Variants in CDH4 observed in about 807,000 individuals in gnomAD.
CDH4 encodes cadherin-4.
In CDH4, 33 loss-of-function variants were observed where a neutral mutation model predicts 86.0. The observed-to-expected ratio is 0.38, with a 90% CI of 0.29 to 0.51. The LOEUF is 0.51. Ranked by LOEUF, CDH4 falls within the 20% of genes least tolerant of loss-of-function variation. The probability of loss-of-function intolerance (pLI) is 0.86; values close to 1 mark genes in which losing one functional copy is unlikely to be tolerated. For synonymous variants in CDH4, 555 were observed against 549.4 expected (o/e 1.01, Z -0.14); for missense variants, 1,114 against 1,307.4 (o/e 0.85, Z 2.28).
chr20:61,402,784 C>T (rs767339023), intron 2 of CDH4, among the ~76,000 whole-genome samples: 1 of 152,226 alleles, frequency 6.6e-6, no homozygotes, highest in Non-Finnish European at 1.5e-5. Context: ...ATCTACATAG[C>T]ATCTTATCTG....
intron 8 of CDH4, among the ~76,000 whole-genome samples, chr20:61,895,250 A>C (rs928225359): frequency 3.3e-5 from 5 of 152,232 alleles, no homozygotes; most frequent in Admixed American, 1.3e-4. Context: ...GCCGGGGCTC[A>C]GTCAGGGAGG....
intron 2 of CDH4, among the ~76,000 whole-genome samples, chr20:61,659,943 A>G (rs930303077): frequency 1.5e-4 from 23 of 152,100 alleles, no homozygotes; most frequent in Non-Finnish European, 1.5e-5. Context: ...CCCCTCCCCA[A>G]GCCTGTCTCT....
At chr20:61,618,143 G>A (rs567798245) in intron 2 of CDH4, among the ~76,000 whole-genome samples, 8 of 152,272 alleles carry the variant, frequency 5.3e-5, no homozygotes, top group Admixed American at 4.6e-4. Flanking sequence ...CGTGAGAACA[G>A]ACTAATACAG....
At chr20:61,872,186 T>G (rs1175670903) in intron 6 of CDH4, among the ~76,000 whole-genome samples, 1 of 152,190 alleles carries the variant, frequency 6.6e-6, no homozygotes, top group African/African-American at 2.4e-5. Context: ...ACAGGGCATC[T>G]GTGTGCCAGG....
chr20:61,365,966 TTAATG>T, intron 2 of CDH4, among the ~76,000 whole-genome samples: 1 of 152,292 alleles, frequency 6.6e-6, no homozygotes, highest in Admixed American at 6.5e-5. Context: ...GGGAGATAAT[TTAATG>T]ATAGTAAATT....
chr20:61,795,742 G>A (rs2146023691), intron 4 of CDH4, among the ~76,000 whole-genome samples: 1 of 152,230 alleles, frequency 6.6e-6, no homozygotes, highest in African/African-American at 2.4e-5. Flanking sequence ...AGGGAGGCTG[G>A]GCCCCAGGAC....
chr20:61,932,317 A>G (rs957371266), intron 13 of CDH4, among the ~76,000 whole-genome samples: 1 of 152,166 alleles, frequency 6.6e-6, no homozygotes, highest in African/African-American at 2.4e-5. Context: ...CTTGTAAATC[A>G]ATGACTCAAA....
chr20:61,385,200 C>T (rs1038236330), intron 2 of CDH4, among the ~76,000 whole-genome samples: 4 of 152,164 alleles, frequency 2.6e-5, no homozygotes, highest in Non-Finnish European at 1.5e-5. Flanking sequence ...TTCCCTAAAG[C>T]CTCTGGAAGT....
rs1052076488 is a variant in CDH4, at chr20:61,393,476, G to A, written c.169+138539G>A. 1.3e-5 allele frequency among the ~76,000 whole-genome samples: 2 copies of A among 152,150 alleles called. No homozygotes were observed. Among genetic ancestry groups the A allele is most frequent in the African/African-American group, 4.8e-5 (2 of 41,416 alleles). The stretch of plus-strand genomic sequence containing the variant: ...TTTGATCGCTGGCAGTAAGCGACAC[G>A]CTGAACCACAACTTTCTTTCCAGAG... On this transcript the variant is annotated intron_variant, in intron 2 of 15. Coordinates refer to ENST00000614565, the MANE Select transcript of CDH4 (RefSeq NM_001794.5). The surrounding 1 kb of genome is among the most constrained non-coding windows in gnomAD (Gnocchi z 4.3).
intron 2 of CDH4, among the ~76,000 whole-genome samples, chr20:61,361,274 C>G (rs2084781796): frequency 6.6e-6 from 1 of 151,672 alleles, no homozygotes; most frequent in African/African-American, 2.4e-5. Flanking sequence ...TGCCAAGAGA[C>G]TTGCACGCAT....
intron 2 of CDH4, among the ~76,000 whole-genome samples, chr20:61,613,903 G>T (rs1313334376): frequency 5.3e-5 from 8 of 152,092 alleles, no homozygotes; most frequent in Admixed American, 5.2e-4. Flanking sequence ...AGTGGTTGCT[G>T]GCGCTTGATT....
At chr20:61,890,746 A>G (rs1244633350) in intron 7 of CDH4, among the ~76,000 whole-genome samples, 1 of 152,038 alleles carries the variant, frequency 6.6e-6, no homozygotes, top group African/African-American at 2.4e-5. Context: ...TTTTTTTTGT[A>G]TCTCCTTGAC....
intron 2 of CDH4, among the ~76,000 whole-genome samples, chr20:61,344,343 T>C (rs1468843418): frequency 6.6e-6 from 1 of 152,206 alleles, no homozygotes; most frequent in Non-Finnish European, 1.5e-5. Context: ...CATTTGGGAA[T>C]TACTGCAGGA....
At chr20:61,433,207 T>C (rs1208137385) in intron 2 of CDH4, among the ~76,000 whole-genome samples, 1 of 152,158 alleles carries the variant, frequency 6.6e-6, no homozygotes, top group African/African-American at 2.4e-5. Flanking sequence ...TTTTTTAAAT[T>C]TTTTCCGTAT....
At chr20:61,289,266 C>A (rs2084308961) in intron 2 of CDH4, among the ~76,000 whole-genome samples, 1 of 152,152 alleles carries the variant, frequency 6.6e-6, no homozygotes, top group South Asian at 2.1e-4. Flanking sequence ...TCAGCACGCT[C>A]CCTCAGTCTA....
At chr20:61,699,602 C>T (rs1306701874) in intron 2 of CDH4, among the ~76,000 whole-genome samples, 1 of 152,200 alleles carries the variant, frequency 6.6e-6, no homozygotes, top group Non-Finnish European at 1.5e-5. Context: ...AGTCATGTCC[C>T]CAGGCTGGAT....
At chr20:61,640,144 C>G (rs2086989802) in intron 2 of CDH4, among the ~76,000 whole-genome samples, 1 of 152,328 alleles carries the variant, frequency 6.6e-6, no homozygotes, top group East Asian at 1.9e-4. Context: ...ATAGCAAGAT[C>G]TCTCTAACTG....
At chr20:61,824,891 G>A (rs548513661) in intron 4 of CDH4, among the ~76,000 whole-genome samples, 2 of 152,344 alleles carry the variant, frequency 1.3e-5, no homozygotes, top group East Asian at 3.9e-4. Context: ...AGTGTTGACA[G>A]CTGAAGCATG....
intron 4 of CDH4, among the ~76,000 whole-genome samples, chr20:61,784,685 A>G (rs1281973459): frequency 2.4e-5 from 2 of 82,282 alleles, no homozygotes; most frequent in African/African-American, 1.4e-4. Flanking sequence ...CTGTGCCCCC[A>G]AGAGAAATGT....
Sources: allele counts gnomAD v4.1 joint callset (sites outside exome capture counted in the v4.1 genomes callset), GRCh38; gene constraint gnomAD v4.1.1; non-coding constraint Gnocchi (gnomAD v3.1); transcripts MANE v1.5; gene names NCBI Gene and HGNC (gene_info 2026-07-23, HGNC 2026-07-21).